NAV2: variants seen among roughly 807,000 people sequenced by gnomAD.
NAV2 encodes the protein neuron navigator 2.
In NAV2, 54 loss-of-function variants were observed where a neutral mutation model predicts 223.2. The ratio of observed to expected loss-of-function variants is 0.24; its 90% CI spans 0.19 to 0.30. The LOEUF (loss-of-function observed/expected upper bound fraction) is 0.30. NAV2 is among the 10% of genes least tolerant of loss of function. The probability of loss-of-function intolerance (pLI) is 1.00; values close to 1 mark genes in which losing one functional copy is unlikely to be tolerated. For missense variants in NAV2, 2,806 were observed against 3,147.5 expected (o/e 0.89, Z 2.60); for synonymous variants, 1,279 against 1,239.3 (o/e 1.03, Z -0.67).
intron 1 of NAV2, among the ~76,000 whole-genome samples, chr11:19,497,222 TG>T (rs1275019956): frequency 6.6e-6 from 1 of 152,258 alleles, no homozygotes; most frequent in East Asian, 1.9e-4. Context: ...TGACAGTCTC[TG>T]CCTCACAGGT....
intron 1 of NAV2, among the ~76,000 whole-genome samples, chr11:19,827,612 G>T (rs981647683): frequency 6.6e-6 from 1 of 152,192 alleles, no homozygotes; most frequent in African/African-American, 2.4e-5. Flanking sequence ...TTCCACACAC[G>T]CTGCCTCCCC....
intron 6 of NAV2, among the ~76,000 whole-genome samples, chr11:19,925,783 CT>C (rs1232588555): frequency 6.7e-6 from 1 of 148,974 alleles, no homozygotes; most frequent in Non-Finnish European, 1.5e-5. Flanking sequence ...CTTTAGTTTT[CT>C]TTTCCATGAG....
intron 1 of NAV2, among the ~76,000 whole-genome samples, chr11:19,570,575 T>A (rs1118463): frequency 0.41 from 61,955 of 152,008 alleles, 13,434 homozygotes; most frequent in East Asian, 0.67. Flanking sequence ...AAGCTCAATG[T>A]TAAAAAAGAC....
Position 20,049,097 on chromosome 11 carries a change from C to G in NAV2, c.4272C>G (p.Pro1424=). 1 of 1,614,132 alleles carries G rather than the reference C, an allele frequency of 6.2e-7. No individual in the cohort carries two copies. The highest frequency in any genetic ancestry group is 8.5e-7 in the Non-Finnish European group (1 of 1,180,022). The change falls in exon 15 of 38, where the codon CCC becomes CCG. Residue 1424 remains proline, a synonymous_variant. Coordinates refer to ENST00000349880, the MANE Select transcript of NAV2 (RefSeq NM_145117.5). Reference sequence around the variant, plus strand: ...TCTCCCTCAGCAGTGGAGGGGTCCCCAGCCACAATTCTTCCACTGGCCTCA... The same window carrying G: ...TCTCCCTCAGCAGTGGAGGGGTCCCGAGCCACAATTCTTCCACTGGCCTCA... ...IDISLSSGGV[P]SHNSSTGLIA...
At chr11:19,983,904 G>A (rs1473853767) in intron 10 of NAV2, among the ~76,000 whole-genome samples, 2 of 151,332 alleles carry the variant, frequency 1.3e-5, no homozygotes, top group African/African-American at 4.8e-5. Context: ...AGCTGAGTTC[G>A]CTCTCTTTTT....
At chr11:20,067,439 T>C (rs1275961797) in intron 20 of NAV2, among the ~76,000 whole-genome samples, 1 of 152,160 alleles carries the variant, frequency 6.6e-6, no homozygotes, top group African/African-American at 2.4e-5. Context: ...AAATTTTTTT[T>C]AGTATAAATA....
At chr11:19,903,311 C>T (rs560710582) in intron 6 of NAV2, among the ~76,000 whole-genome samples, 2 of 152,062 alleles carry the variant, frequency 1.3e-5, no homozygotes, top group Admixed American at 1.3e-4. Context: ...AATGGTCATG[C>T]TACACGGTGG....
intron 11 of NAV2, among the ~76,000 whole-genome samples, chr11:19,993,561 G>A (rs2051553615): frequency 6.6e-6 from 1 of 152,190 alleles, no homozygotes; most frequent in Non-Finnish European, 1.5e-5. Flanking sequence ...GTGAGTGCCT[G>A]TGCTTGATGT....
intron 1 of NAV2, among the ~76,000 whole-genome samples, chr11:19,533,498 T>C (rs988213902): frequency 6.6e-6 from 1 of 152,146 alleles, no homozygotes; most frequent in African/African-American, 2.4e-5. Context: ...GTCCTGGGCA[T>C]GTGTGTTCCT....
intron 6 of NAV2, among the ~76,000 whole-genome samples, chr11:19,909,917 T>A (rs2043174365): frequency 6.6e-6 from 1 of 152,086 alleles, no homozygotes; most frequent in Admixed American, 6.5e-5. Flanking sequence ...ATAACTTATA[T>A]AACTGCTTAT....
intron 1 of NAV2, among the ~76,000 whole-genome samples, chr11:19,793,948 GTGTCCACTTCAGTCCCTACCTCA>G (rs1313075075): frequency 6.6e-6 from 1 of 152,114 alleles, no homozygotes; most frequent in Non-Finnish European, 1.5e-5. Context: ...CCCAACCACA[GTGTCCACTTCAGTCCCTACCTCA>G]TGTCTACCAC....
chr11:19,434,285 T>C (rs751246349), intron 1 of NAV2, among the ~76,000 whole-genome samples: 1 of 152,216 alleles, frequency 6.6e-6, no homozygotes, highest in Non-Finnish European at 1.5e-5. Flanking sequence ...ATGAGGTACA[T>C]ATTAAAGATA....
At chr11:19,390,600 G>A (rs1849209479) in intron 1 of NAV2, among the ~76,000 whole-genome samples, 1 of 152,140 alleles carries the variant, frequency 6.6e-6, no homozygotes, top group South Asian at 2.1e-4. Flanking sequence ...CAAACCAAAT[G>A]GTCAGGGAAT....
intron 1 of NAV2, among the ~76,000 whole-genome samples, chr11:19,377,421 C>T (rs1848676302): frequency 6.6e-6 from 1 of 152,202 alleles, no homozygotes; most frequent in Non-Finnish European, 1.5e-5. Flanking sequence ...TGTTCCCAGG[C>T]AGATTCAGGG....
intron 1 of NAV2, among the ~76,000 whole-genome samples, chr11:19,669,142 C>T (rs1024933397): frequency 2.0e-5 from 3 of 152,162 alleles, no homozygotes; most frequent in African/African-American, 7.2e-5. Context: ...TCCTCAGTGC[C>T]AGAAGCTACA....
chr11:19,661,450 A>G (rs181463297), intron 1 of NAV2, among the ~76,000 whole-genome samples: 4 of 152,320 alleles, frequency 2.6e-5, no homozygotes, highest in African/African-American at 7.2e-5. Flanking sequence ...CATCGTAACA[A>G]TAAAAGGCCT....
intron 1 of NAV2, among the ~76,000 whole-genome samples, chr11:19,435,165 A>G (rs1851171742): frequency 6.6e-6 from 1 of 152,128 alleles, no homozygotes; most frequent in Non-Finnish European, 1.5e-5. Context: ...TATAGTCACC[A>G]TGCTATGCCT....
chr11:19,849,730 A>G (rs2152970779), intron 3 of NAV2, among the ~76,000 whole-genome samples: 1 of 152,344 alleles, frequency 6.6e-6, no homozygotes, highest in East Asian at 1.9e-4. Flanking sequence ...TGCAGAACCA[A>G]GAAGGAATGA....
intron 26 of NAV2, among the ~76,000 whole-genome samples, chr11:20,089,063 A>T (rs1237196683): frequency 2.0e-5 from 3 of 152,094 alleles, no homozygotes; most frequent in Non-Finnish European, 2.9e-5. Flanking sequence ...CAGGCTATTC[A>T]AAGTACAGAG....
Sources: allele counts gnomAD v4.1 joint callset (sites outside exome capture counted in the v4.1 genomes callset), GRCh38; gene constraint gnomAD v4.1.1; transcripts MANE v1.5; gene names NCBI Gene and HGNC (gene_info 2026-07-23, HGNC 2026-07-21).